Variants in RCBTB2 observed in about 807,000 individuals in gnomAD.
The protein encoded by RCBTB2 is RCC1 and BTB domain-containing protein 2.
A neutral mutation model predicts 65.4 loss-of-function variants in RCBTB2; 55 were observed. The observed-to-expected ratio is 0.84, with a 90% CI of 0.68 to 1.05. RCBTB2 has a LOEUF of 1.05. Among genes scored for constraint, RCBTB2 ranks in the 50% least tolerant of loss-of-function variants. The pLI, the probability that RCBTB2 is intolerant of heterozygous loss-of-function variation, is 0.00. For synonymous variants in RCBTB2, 220 were observed against 255.2 expected (o/e 0.86, Z 1.31); for missense variants, 599 against 680.1 (o/e 0.88, Z 1.33).
At chr13:48,523,248 C>A (rs1425311861) in intron 2 of RCBTB2, among the ~76,000 whole-genome samples, 2 of 152,220 alleles carry the variant, frequency 1.3e-5, no homozygotes, top group African/African-American at 4.8e-5. Flanking sequence ...CCCAGCATGA[C>A]TGCCACTGAG....
At chr13:48,520,732 G>A (rs1039806177) in intron 4 of RCBTB2, among the ~76,000 whole-genome samples, 2 of 152,102 alleles carry the variant, frequency 1.3e-5, no homozygotes, top group African/African-American at 4.8e-5. Context: ...AGAATCGAGT[G>A]TATAACCAAA....
chr13:48,505,947 A>C (rs1036993409), intron 10 of RCBTB2, among the ~76,000 whole-genome samples: 7 of 152,236 alleles, frequency 4.6e-5, no homozygotes, highest in Non-Finnish European at 8.8e-5. Flanking sequence ...CTCATGATTT[A>C]GCTGGAGAGA....
chr13:48,534,607 CTG>C (rs1477910500), upstream of RCBTB2, among the ~76,000 whole-genome samples: 5 of 152,204 alleles, frequency 3.3e-5, no homozygotes, highest in South Asian at 2.1e-4. Flanking sequence ...GTTTTGAAAA[CTG>C]TGATATTATC....
chr13:48,504,354 G>T, intron 10 of RCBTB2: 1 of 985,234 alleles, frequency 1.0e-6, no homozygotes, highest in Non-Finnish European at 1.2e-6. Context: ...CGTCACCTCT[G>T]TACAGACATC....
intron 13 of RCBTB2, among the ~76,000 whole-genome samples, chr13:48,496,633 A>G (rs1949984409): frequency 6.6e-6 from 1 of 151,422 alleles, no homozygotes; most frequent in South Asian, 2.1e-4. Context: ...TGCAATCTCA[A>G]TGTCAGCTTC....
At chr13:48,506,742 G>T (rs775772916) in intron 10 of RCBTB2, among the ~76,000 whole-genome samples, 1 of 152,206 alleles carries the variant, frequency 6.6e-6, no homozygotes, top group African/African-American at 2.4e-5. Context: ...GGTTAGGGCA[G>T]CCCAATGAAC....
chr13:48,496,176 G>A lies in RCBTB2; in HGVS notation c.1515+15C>T, dbSNP rs1296435343. 2.1e-6 allele frequency: 3 copies of A among 1,436,340 alleles called. No individual in the cohort carries two copies. The highest frequency in any genetic ancestry group is 2.6e-5 in the Admixed American group (1 of 38,566). The allele number at this position is 1,436,340 out of a possible 1,614,324, so 89.0% of individuals were successfully genotyped here. A position where few individuals can be genotyped will look rare whatever the true frequency, so the allele number is the denominator to read the frequency against. On this transcript the variant is annotated intron_variant, in intron 14 of 14. Coordinates refer to ENST00000344532, the MANE Select transcript of RCBTB2 (RefSeq NM_001268.4). ...TTCTCCAGGAGGCCGGCAGCTGGAAGCAAGCTTTCCTTACCTGTGCATCAT... is the reference window on the plus strand; with the variant it reads ...TTCTCCAGGAGGCCGGCAGCTGGAAACAAGCTTTCCTTACCTGTGCATCAT...
chr13:48,531,980 G>A (rs915630850), intron 1 of RCBTB2: 1 of 152,274 alleles, frequency 6.6e-6, no homozygotes, highest in Admixed American at 6.5e-5. Context: ...GTTAAACAGT[G>A]TCTGGGGGAA....
intron 1 of RCBTB2, chr13:48,532,812 CTCT>C (rs1190646580): frequency 3.0e-6 from 1 of 337,558 alleles, no homozygotes; most frequent in Non-Finnish European, 5.9e-6. Context: ...CGGAACCTAG[CTCT>C]TAACTCCCGC....
intron 1 of RCBTB2, among the ~76,000 whole-genome samples, chr13:48,529,680 C>A (rs1343403749): frequency 6.6e-6 from 1 of 152,174 alleles, no homozygotes; most frequent in Non-Finnish European, 1.5e-5. Flanking sequence ...TCCTTCCAGA[C>A]AATGAAAGCT....
Position 48,499,099 on chromosome 13 carries a change from G to A in RCBTB2, c.1384+522C>T, listed in dbSNP as rs538914486. 9.1e-5 allele frequency among the ~76,000 whole-genome samples: 10 copies of A among 109,398 alleles called. No individual in the cohort carries two copies. In the East Asian group the frequency reaches 9.3e-4, roughly 10 times the overall value. 71.8% of individuals were successfully genotyped at this position (109,398 alleles called of 152,430 possible). ...AGAAGCTGCTAGTTGCCTCTCTCCCGACCCCCACCCCAACACACACACACA... is the reference window on the plus strand; with the variant it reads ...AGAAGCTGCTAGTTGCCTCTCTCCCAACCCCCACCCCAACACACACACACA... On this transcript the variant is annotated intron_variant, in intron 13 of 14. Coordinates refer to ENST00000344532, the MANE Select transcript of RCBTB2 (RefSeq NM_001268.4).
At chr13:48,499,142 A>ACACACTCTCTCT (rs1366425462) in intron 13 of RCBTB2, among the ~76,000 whole-genome samples, 2 of 132,290 alleles carry the variant, frequency 1.5e-5, no homozygotes, top group African/African-American at 5.9e-5. Flanking sequence ...ACACACACAC[A>ACACACTCTCTCT]CTCTCTCTCT....
At chr13:48,517,849 G>T (rs1278341772) in intron 4 of RCBTB2, among the ~76,000 whole-genome samples, 1 of 152,148 alleles carries the variant, frequency 6.6e-6, no homozygotes, top group Non-Finnish European at 1.5e-5. Context: ...GATTTTGTTT[G>T]GAAATAGGGT....
At chr13:48,522,504 C>A in intron 2 of RCBTB2, 101 bp from the exon 3 acceptor site, 1 of 653,058 alleles carries the variant, frequency 1.5e-6, no homozygotes, top group Non-Finnish European at 2.7e-6. Flanking sequence ...GAAACAACAG[C>A]CATCAAATAT....
Position 48,510,711 on chromosome 13 carries a change from C to T in RCBTB2, c.844G>A (p.Gly282Ser), listed in dbSNP as rs1415945755. Residue 282 changes from glycine (G) to serine (S), a missense_variant, in exon 10 of 15, where the codon GGC (glycine) becomes AGC (serine). Gly to Ser is a moderately conservative substitution (Grantham distance 56, BLOSUM62 0). Coordinates refer to ENST00000344532, the MANE Select transcript of RCBTB2 (RefSeq NM_001268.4). ...CCCAACTGCCCATAAGAATTGGCGC[C>T]CCAAGCATACACTTGGCCTTCATCT... ...LTDEGQVYAW[G>S]ANSYGQLGTG... The T allele has an allele frequency of 6.2e-7, 1 of 1,614,080 alleles. No individual in the cohort carries two copies. Among genetic ancestry groups the T allele is most frequent in the Admixed American group, 1.7e-5 (1 of 60,006 alleles).
chr13:48,528,314 C>A (rs1449250073), intron 1 of RCBTB2, among the ~76,000 whole-genome samples: 3 of 152,082 alleles, frequency 2.0e-5, no homozygotes, highest in Non-Finnish European at 1.5e-5. Flanking sequence ...AATAGCAATT[C>A]CTGCAGAGAA....
At chr13:48,522,050 G>T in intron 3 of RCBTB2, 88 bp from the exon 4 acceptor site, 2 of 1,101,014 alleles carry the variant, frequency 1.8e-6, no homozygotes, top group Middle Eastern at 2.3e-4. Flanking sequence ...AATTAGCAGG[G>T]AAAATAAGCT....
intron 10 of RCBTB2, among the ~76,000 whole-genome samples, chr13:48,509,398 C>T (rs950989974): frequency 3.3e-5 from 5 of 152,120 alleles, no homozygotes; most frequent in Non-Finnish European, 4.4e-5. Context: ...TTATTTGATC[C>T]TTTAACTCTG....
At chr13:48,491,732 A>G (rs1272839590) in intron 14 of RCBTB2, 1 of 152,190 alleles carries the variant, frequency 6.6e-6, no homozygotes, top group African/African-American at 2.4e-5. Context: ...AGCATCAGGA[A>G]AATTGCTAAT....
Sources: gnomAD v4.1 joint callset for allele counts (sites outside exome capture counted in the v4.1 genomes callset) on GRCh38, gnomAD v4.1.1 for gene constraint, MANE v1.5 for transcripts, NCBI Gene and HGNC (gene_info 2026-07-23, HGNC 2026-07-21) for gene names.